CIB1: variants seen among roughly 807,000 people sequenced by gnomAD.
CIB1 encodes the protein calcium and integrin binding 1.
CIB1 carries 19 observed loss-of-function variants against 25.0 expected under a neutral mutation model. The observed-to-expected ratio is 0.76, with a 90% CI of 0.53 to 1.12. The LOEUF (loss-of-function observed/expected upper bound fraction) is 1.12, where lower values mean the gene tolerates loss of function less well. Ranked by LOEUF, CIB1 falls within the 50% of genes most tolerant of loss-of-function variation. CIB1 has a pLI of 0.00. For missense variants in CIB1, 236 were observed against 242.6 expected (o/e 0.97, Z 0.18); for synonymous variants, 104 against 98.5 (o/e 1.06, Z -0.33).
the CIB1 span, among the ~76,000 whole-genome samples, chr15:90,255,390 T>C: frequency 6.6e-6 from 1 of 152,192 alleles, no homozygotes; most frequent in East Asian, 1.9e-4. Context: ...GGGAATGCTT[T>C]CGTCTCATTG....
chr15:90,242,253 CTTTTT>C, the CIB1 span: 3,144 of 88,778 alleles, frequency 0.035, 2 homozygotes, highest in East Asian at 0.083. Context: ...ACACACCTGG[CTTTTT>C]TTTTTTTTTT....
At chr15:90,248,544 A>G in the CIB1 span, among the ~76,000 whole-genome samples, 1 of 151,720 alleles carries the variant, frequency 6.6e-6, no homozygotes, top group Non-Finnish European at 1.5e-5. Context: ...GCAAAACCCC[A>G]TCTCTACAAA....
At chr15:90,251,667 T>G in the CIB1 span, 6 of 1,551,096 alleles carry the variant, frequency 3.9e-6, no homozygotes, top group Non-Finnish European at 5.3e-6. Flanking sequence ...TCCTCTGGAA[T>G]GGACCCCCGA....
the CIB1 span, chr15:90,264,864 T>C: frequency 2.0e-6 from 3 of 1,536,084 alleles, no homozygotes; most frequent in South Asian, 3.6e-5. Flanking sequence ...TTGCCCTCCA[T>C]GGTAAACTCT....
At chr15:90,233,265 T>C (rs897167937) in intron 2 of CIB1, among the ~76,000 whole-genome samples, 4 of 152,258 alleles carry the variant, frequency 2.6e-5, no homozygotes, top group African/African-American at 7.2e-5. Flanking sequence ...TGGCACATGG[T>C]GAGTGCTCAG....
the CIB1 span, chr15:90,255,644 C>T: frequency 8.0e-6 from 12 of 1,502,772 alleles, no homozygotes; most frequent in Non-Finnish European, 1.1e-5. Context: ...CTTACCTCCA[C>T]TGTGACTTCT....
At chr15:90,247,304 T>TC in the CIB1 span, among the ~76,000 whole-genome samples, 1 of 149,526 alleles carries the variant, frequency 6.7e-6, no homozygotes, top group African/African-American at 2.5e-5. Context: ...TTTTCTTTTT[T>TC]TTTTTTTTTT....
the CIB1 span, among the ~76,000 whole-genome samples, chr15:90,260,169 A>G: frequency 6.6e-6 from 1 of 152,238 alleles, no homozygotes; most frequent in East Asian, 1.9e-4. Flanking sequence ...TAAACAAAAT[A>G]CAATCGTACA....
the CIB1 span, chr15:90,263,955 C>A: frequency 6.5e-7 from 1 of 1,535,486 alleles, no homozygotes; most frequent in Non-Finnish European, 8.7e-7. Context: ...AGCCCAAGAA[C>A]TTCAACTGGA....
At chr15:90,231,056 A>G (rs548055723) in intron 5 of CIB1, 34 bp from the exon 6 acceptor site, 66 of 1,613,184 alleles carry the variant, frequency 4.1e-5, no homozygotes, top group Admixed American at 5.0e-5. Context: ...CAGAGCCCCA[A>G]CTGCTCCCTC....
the CIB1 span, chr15:90,263,730 TCTC>T: frequency 1.5e-6 from 1 of 672,556 alleles, no homozygotes; most frequent in Non-Finnish European, 2.7e-6. Context: ...GGGCTGCTCT[TCTC>T]CTCTAGCCTA....
the CIB1 span, among the ~76,000 whole-genome samples, chr15:90,249,237 AG>A: frequency 3.5e-5 from 5 of 142,936 alleles, no homozygotes; most frequent in Non-Finnish European, 6.2e-5. Flanking sequence ...AAAAAAAAAA[AG>A]GGAGAATTGA....
At chr15:90,245,000 T>C in the CIB1 span, 1 of 152,334 alleles carries the variant, frequency 6.6e-6, no homozygotes, top group African/African-American at 2.4e-5. Flanking sequence ...GGGGTTTTGA[T>C]TTCTCTGCCT....
At chr15:90,246,787 C>CAAAAAAAAAAAAAAAAAAA in the CIB1 span, among the ~76,000 whole-genome samples, 2 of 45,202 alleles carry the variant, frequency 4.4e-5, no homozygotes, top group Non-Finnish European at 8.4e-5. Flanking sequence ...GACTCTGTCT[C>CAAAAAAAAAAAAAAAAAAA]AAAAAAAAAA....
At chr15:90,233,805 G>C in intron 1 of CIB1, 30 bp downstream of exon 1, 1 of 1,550,802 alleles carries the variant, frequency 6.4e-7, no homozygotes, top group Non-Finnish European at 8.7e-7. Flanking sequence ...GCCCGCACGC[G>C]AGCTCCCCAG....
At chr15:90,254,617 T>G in the CIB1 span, among the ~76,000 whole-genome samples, 2 of 151,742 alleles carry the variant, frequency 1.3e-5, no homozygotes, top group Non-Finnish European at 2.9e-5. Flanking sequence ...GTGGGCAGAT[T>G]GCTTGAACTC....
At chr15:90,257,407 CA>C in the CIB1 span, 1 of 1,373,318 alleles carries the variant, frequency 7.3e-7, no homozygotes, top group Non-Finnish European at 9.8e-7. Context: ...AGAGCTGCAG[CA>C]TCTAGCTGGG....
the CIB1 span, among the ~76,000 whole-genome samples, chr15:90,253,939 G>A: frequency 2.0e-5 from 3 of 152,194 alleles, no homozygotes; most frequent in Non-Finnish European, 4.4e-5. Flanking sequence ...AGGAAGTTGA[G>A]GAAATTAAAA....
the CIB1 span, chr15:90,242,166 T>A: frequency 1.0e-6 from 1 of 981,542 alleles, no homozygotes; most frequent in Non-Finnish European, 1.5e-6. Context: ...TGGCTCACTG[T>A]AGCCTCCACC....
Sources: gnomAD v4.1 joint callset for allele counts (sites outside exome capture counted in the v4.1 genomes callset) on GRCh38, gnomAD v4.1.1 for gene constraint, MANE v1.5 for transcripts, NCBI Gene and HGNC (gene_info 2026-07-23, HGNC 2026-07-21) for gene names.